DPP10: variants seen among roughly 807,000 people sequenced by gnomAD.
The protein encoded by DPP10 is inactive dipeptidyl peptidase 10.
In DPP10, 33 loss-of-function variants were observed where a neutral mutation model predicts 120.9. The observed-to-expected ratio is 0.27, with a 90% CI of 0.21 to 0.37. The LOEUF (loss-of-function observed/expected upper bound fraction) is 0.37, where lower values mean the gene tolerates loss of function less well. DPP10 is among the 10% of genes least tolerant of loss of function. The pLI is 1.00. For synonymous variants in DPP10, 337 were observed against 326.1 expected, an observed-to-expected ratio of 1.03 and a Z score of -0.36; for missense variants, 816 against 942.8, an observed-to-expected ratio of 0.87 and a Z score of 1.76.
At chr2:115,639,834 G>C (rs768158787) in intron 5 of DPP10, among the ~76,000 whole-genome samples, 1 of 152,044 alleles carries the variant, frequency 6.6e-6, no homozygotes, top group Non-Finnish European at 1.5e-5. Flanking sequence ...TATATGATTC[G>C]CAGAGTGACA....
intron 1 of DPP10, chr2:114,828,784 T>C (rs1686792237): frequency 1.3e-5 from 2 of 152,374 alleles, no homozygotes; most frequent in East Asian, 1.9e-4. Context: ...CAGGTGCACA[T>C]GCACTGGGAT....
At chr2:115,077,718 C>T (rs61102091) in intron 1 of DPP10, among the ~76,000 whole-genome samples, 3 of 152,082 alleles carry the variant, frequency 2.0e-5, no homozygotes, top group Admixed American at 2.0e-4. Flanking sequence ...TGCCAAAACA[C>T]GTGGGCCTGT....
At chr2:115,590,199 G>A (rs2082555687) in intron 5 of DPP10, among the ~76,000 whole-genome samples, 2 of 141,076 alleles carry the variant, frequency 1.4e-5, no homozygotes, top group African/African-American at 5.5e-5. Context: ...TTAAGTTCTA[G>A]GGTACATGTG....
chr2:114,987,806 T>TTTTTTTTTTTTTTA (rs1397606249), intron 1 of DPP10, among the ~76,000 whole-genome samples: 3 of 127,308 alleles, frequency 2.4e-5, no homozygotes, highest in East Asian at 4.6e-4. Context: ...GAGACTGTCT[T>TTTTTTTTTTTTTTA]TTTTTTTTTT....
intron 4 of DPP10, among the ~76,000 whole-genome samples, chr2:115,525,490 G>A (rs1004327550): frequency 6.6e-6 from 1 of 151,832 alleles, no homozygotes; most frequent in Non-Finnish European, 1.5e-5. Flanking sequence ...CAACCAGTAA[G>A]AATACAAAAA....
At chr2:115,120,931 A>G (rs1449103977) in intron 1 of DPP10, among the ~76,000 whole-genome samples, 2 of 152,212 alleles carry the variant, frequency 1.3e-5, no homozygotes, top group African/African-American at 4.8e-5. Flanking sequence ...TTCTGTTAAG[A>G]AGTTATGTTG....
At chr2:115,609,657 A>G (rs990891660) in intron 5 of DPP10, among the ~76,000 whole-genome samples, 2 of 152,170 alleles carry the variant, frequency 1.3e-5, no homozygotes, top group Non-Finnish European at 2.9e-5. Flanking sequence ...TTTCCATTCT[A>G]CTAGTAGAGT....
intron 1 of DPP10, chr2:115,162,125 C>G: frequency 6.6e-7 from 1 of 1,523,666 alleles, no homozygotes; most frequent in Non-Finnish European, 8.8e-7. Flanking sequence ...TCCCGCGCCT[C>G]CCTCTTCTCA....
chr2:114,965,952 G>A (rs1421630576), intron 1 of DPP10, among the ~76,000 whole-genome samples: 4 of 111,052 alleles, frequency 3.6e-5, no homozygotes, highest in Non-Finnish European at 6.8e-5. Context: ...GGCGCAGAGC[G>A]AGACTCCTTC....
intron 1 of DPP10, among the ~76,000 whole-genome samples, chr2:114,909,838 A>AG (rs1282288886): frequency 3.3e-5 from 5 of 152,012 alleles, no homozygotes; most frequent in Admixed American, 1.3e-4. Flanking sequence ...TTACAGAGAA[A>AG]GTTTAAAAGG....
At chr2:114,483,933 C>T (rs544809000) in intron 1 of DPP10, among the ~76,000 whole-genome samples, 6 of 152,284 alleles carry the variant, frequency 3.9e-5, no homozygotes, top group Admixed American at 3.3e-4. Context: ...TCATACTCCC[C>T]ATCAGTCCCT....
intron 1 of DPP10, among the ~76,000 whole-genome samples, chr2:114,834,477 T>C (rs968353611): frequency 4.0e-5 from 6 of 151,494 alleles, no homozygotes; most frequent in African/African-American, 1.2e-4. Flanking sequence ...TCTACACACC[T>C]ATGTATATAT....
At chr2:114,586,053 G>T (rs1376388649) in intron 1 of DPP10, among the ~76,000 whole-genome samples, 1 of 152,144 alleles carries the variant, frequency 6.6e-6, no homozygotes, top group Non-Finnish European at 1.5e-5. Flanking sequence ...TTCGAGACGA[G>T]CCTGGGCAAT....
At chr2:115,769,265 T>C (rs896623945) in intron 13 of DPP10, among the ~76,000 whole-genome samples, 20 of 152,068 alleles carry the variant, frequency 1.3e-4, no homozygotes, top group Non-Finnish European at 2.2e-4. Context: ...AATTTCATAC[T>C]TACAAAATAT....
chr2:115,046,118 A>G (rs1303501409), intron 1 of DPP10, among the ~76,000 whole-genome samples: 1 of 152,152 alleles, frequency 6.6e-6, no homozygotes, highest in Non-Finnish European at 1.5e-5. Flanking sequence ...GATAATCAAC[A>G]TTTTGGTGAG....
chr2:115,738,098 A>G (rs965386195), intron 8 of DPP10, among the ~76,000 whole-genome samples: 1 of 152,198 alleles, frequency 6.6e-6, no homozygotes. Flanking sequence ...GCTTTTGTCC[A>G]AACATTCTTA....
intron 1 of DPP10, among the ~76,000 whole-genome samples, chr2:114,891,411 A>T (rs1420022832): frequency 6.6e-6 from 1 of 152,186 alleles, no homozygotes. Flanking sequence ...GGCTCTTAGG[A>T]GTTTGATGTG....
chr2:115,478,130 C>G lies in DPP10; in HGVS notation c.272-21380C>G, dbSNP rs1194243282. 2.6e-5 allele frequency among the ~76,000 whole-genome samples: 4 copies of G among 152,126 alleles called. No homozygotes were observed. The East Asian group carries it at 7.7e-4, about 29-fold the overall frequency. ...TCTAGTCAGCTTCCACCAGGCCCCACCTCCAACACTGGGGATTGCATTTCA... is the reference window on the plus strand; with the variant it reads ...TCTAGTCAGCTTCCACCAGGCCCCAGCTCCAACACTGGGGATTGCATTTCA... On this transcript the variant is annotated intron_variant, in intron 3 of 25. Transcript: ENST00000410059.
rs528399640 is a variant in DPP10, at chr2:115,751,630, T to C, written c.951-1544T>C. On this transcript the variant is annotated intron_variant, in intron 10 of 25. Transcript: ENST00000410059. ...CACTTTGATAGGCTAACAGGTTTTCTAGAGGAAACAGTAGCTACTCGGTAA... is the reference window on the plus strand; with the variant it reads ...CACTTTGATAGGCTAACAGGTTTTCCAGAGGAAACAGTAGCTACTCGGTAA... 1.8e-4 allele frequency among the ~76,000 whole-genome samples: 27 copies of C among 152,288 alleles called. No individual in the cohort carries two copies. The South Asian group carries it at 5.2e-3, about 29-fold the overall frequency.
Sources: allele counts gnomAD v4.1 joint callset (sites outside exome capture counted in the v4.1 genomes callset), GRCh38; gene constraint gnomAD v4.1.1; transcripts MANE v1.5; gene names NCBI Gene and HGNC (gene_info 2026-07-23, HGNC 2026-07-21).